The following TRMT11 variants were observed in gnomAD, a reference collection of about 807,000 sequenced individuals.
TRMT11 encodes the protein tRNA (guanine(10)-N(2))-methyltransferase TRMT11.
TRMT11 carries 53 observed loss-of-function variants against 62.8 expected under a neutral mutation model. The observed-to-expected ratio is 0.84, with a 90% CI of 0.68 to 1.06. TRMT11 has a LOEUF of 1.06. Ranked by LOEUF, TRMT11 falls within the 50% of genes least tolerant of loss-of-function variation. TRMT11 has a pLI of 0.00. For missense variants in TRMT11, 556 were observed against 553.4 expected (o/e 1.00, Z -0.05); for synonymous variants, 188 against 190.3 (o/e 0.99, Z 0.10).
downstream of TRMT11, among the ~76,000 whole-genome samples, chr6:126,044,115 A>C (rs1047147275): frequency 6.6e-6 from 1 of 151,952 alleles, no homozygotes; most frequent in African/African-American, 2.4e-5. Flanking sequence ...TGTTTTAGAC[A>C]TGAAGTCCTT....
chr6:126,193,232 A>G (rs1371220060), intron 1 of TRMT11, among the ~76,000 whole-genome samples: 1 of 151,940 alleles, frequency 6.6e-6, no homozygotes, highest in African/African-American at 2.4e-5. Flanking sequence ...ATAGTCTCTA[A>G]TGATCCTTTG....
chr6:126,164,351 G>T (rs1340576930), intron 21 of TRMT11, among the ~76,000 whole-genome samples: 3 of 152,096 alleles, frequency 2.0e-5, no homozygotes, highest in Admixed American at 6.6e-5. Context: ...TGTTTGTTAT[G>T]ATTTCTGTTC....
chr6:126,043,072 C>T (rs1775927027), downstream of TRMT11, among the ~76,000 whole-genome samples: 1 of 151,182 alleles, frequency 6.6e-6, no homozygotes. Context: ...TATTATTATA[C>T]TTTAAGTTTT....
At chr6:125,986,737 G>GA (rs1789695107) in intron 1 of TRMT11, 115 bp downstream of exon 1, 1 of 994,628 alleles carries the variant, frequency 1.0e-6, no homozygotes, top group Non-Finnish European at 1.5e-6. Flanking sequence ...GTCTTCGCTG[G>GA]TCTGCGCGGG....
chr6:126,108,706 A>G (rs1194804287), intron 17 of TRMT11, among the ~76,000 whole-genome samples: 1 of 152,200 alleles, frequency 6.6e-6, no homozygotes, highest in Non-Finnish European at 1.5e-5. Context: ...AAGAGAGAAG[A>G]GAGGAGGAAA....
chr6:126,021,346 T>A, intron 12 of TRMT11, 66 bp downstream of exon 12: 1 of 1,559,792 alleles, frequency 6.4e-7, no homozygotes, highest in Non-Finnish European at 8.8e-7. Flanking sequence ...TCTAAATAGT[T>A]TTCCTGTGAT....
chr6:126,225,000 C>T, the TRMT11 span, among the ~76,000 whole-genome samples: 6 of 152,146 alleles, frequency 3.9e-5, no homozygotes, highest in South Asian at 2.1e-4. Context: ...GGTGTGGCCA[C>T]GAGGGAGCCT....
intron 21 of TRMT11, among the ~76,000 whole-genome samples, chr6:126,136,587 TACA>T (rs1777852540): frequency 6.6e-6 from 1 of 151,334 alleles, no homozygotes; most frequent in African/African-American, 2.4e-5. Context: ...CTAAGTGAAC[TACA>T]ATCAAAACAC....
chr6:126,068,889 T>C (rs140150043), intron 17 of TRMT11, among the ~76,000 whole-genome samples: 84 of 152,346 alleles, frequency 5.5e-4, no homozygotes, highest in African/African-American at 1.9e-3. Flanking sequence ...ATATGCCCGG[T>C]CTACCAAGTT....
At chr6:126,043,904 TG>T (rs1286114567), downstream of TRMT11, among the ~76,000 whole-genome samples, 7 of 151,946 alleles carry the variant, frequency 4.6e-5, no homozygotes, top group Non-Finnish European at 7.4e-5. Flanking sequence ...TGGGGTCGTT[TG>T]TTTTTTTCTT....
chr6:126,088,106 A>C (rs1777234959), intron 17 of TRMT11, among the ~76,000 whole-genome samples: 1 of 151,484 alleles, frequency 6.6e-6, no homozygotes, highest in East Asian at 1.9e-4. Context: ...TAGTGTATAT[A>C]GTACATAGTC....
At chr6:126,257,938 T>C in the TRMT11 span, 6 of 1,550,184 alleles carry the variant, frequency 3.9e-6, no homozygotes, top group Admixed American at 3.4e-5. Flanking sequence ...TTCTGGGGTG[T>C]GCTCAGCTTC....
intron 21 of TRMT11, among the ~76,000 whole-genome samples, chr6:126,171,260 T>G (rs1235314960): frequency 2.0e-5 from 3 of 152,146 alleles, no homozygotes; most frequent in African/African-American, 7.2e-5. Context: ...CTTTTTTTTT[T>G]TTCTCAAGAC....
chr6:126,187,691 A>G (rs555693199), intron 1 of TRMT11, among the ~76,000 whole-genome samples: 1 of 152,140 alleles, frequency 6.6e-6, no homozygotes, highest in Non-Finnish European at 1.5e-5. Flanking sequence ...AATAAAGTGT[A>G]AAGACTTATG....
chr6:126,078,709 C>T (rs766280301), intron 17 of TRMT11, among the ~76,000 whole-genome samples: 10 of 152,224 alleles, frequency 6.6e-5, no homozygotes, highest in African/African-American at 1.2e-4. Flanking sequence ...TCAACTTGAG[C>T]GACCACAGCT....
At chr6:126,063,215 C>A (rs1421734211) in intron 17 of TRMT11, among the ~76,000 whole-genome samples, 1 of 152,016 alleles carries the variant, frequency 6.6e-6, no homozygotes, top group Non-Finnish European at 1.5e-5. Context: ...TTATCAAATA[C>A]ATTTTGCTTT....
intron 21 of TRMT11, among the ~76,000 whole-genome samples, chr6:126,115,904 C>A (rs888136648): frequency 6.6e-6 from 1 of 151,926 alleles, no homozygotes; most frequent in Admixed American, 6.6e-5. Context: ...CTTGCTGCAC[C>A]CCCTGAGAGA....
At position 126,011,500 on chromosome 6, in the gene TRMT11, A is replaced by G. The variant is rs144116897; in HGVS notation, c.925+83A>G. ...TTTAAAGTACAAAATTTACCAACAC[A>G]TGCACAAAATGCCAACTTGTCAGTA... On this transcript the variant is annotated intron_variant, in intron 9 of 12. Coordinates refer to ENST00000334379, the MANE Select transcript of TRMT11 (RefSeq NM_001031712.3). 1,613 of 1,126,060 alleles carry G rather than the reference A, an allele frequency of 1.4e-3. 10 individuals are homozygous for G. The highest frequency in any genetic ancestry group is 8.9e-3 in the African/African-American group (566 of 63,478). The allele number at this position is 1,126,060 out of a possible 1,614,324, so 69.8% of individuals were successfully genotyped here.
rs535369646 is a variant in TRMT11, at chr6:126,141,550, C to T, written c.*1823+25695C>T. ...ATTTATCTACTCCAAGTCCACCAAG[C>T]CTGGCAGGCCAGTGAAGGTGATGTG... On this transcript the variant is annotated intron_variant and NMD_transcript_variant, in intron 21 of 22. Transcript: ENST00000648977. Among the ~76,000 whole-genome samples, 60 of 152,192 alleles carry T rather than the reference C, an allele frequency of 3.9e-4. No individual in the cohort carries two copies. In the South Asian group the frequency reaches 9.3e-3, roughly 24 times the overall value.
Sources: gnomAD v4.1 joint callset for allele counts (sites outside exome capture counted in the v4.1 genomes callset) on GRCh38, gnomAD v4.1.1 for gene constraint, MANE v1.5 for transcripts, NCBI Gene and HGNC (gene_info 2026-07-23, HGNC 2026-07-21) for gene names.